LY6K: variants seen among roughly 807,000 people sequenced by gnomAD.
LY6K encodes the protein lymphocyte antigen 6K.
Under a neutral mutation model 10.4 loss-of-function variants are expected in LY6K, and 9 were observed. The ratio of observed to expected loss-of-function variants is 0.87; its 90% CI spans 0.52 to 1.52. The LOEUF is 1.52. Ranked by LOEUF, LY6K falls within the 40% of genes most tolerant of loss-of-function variation. The pLI is 0.00. For missense variants in LY6K, 217 were observed against 211.7 expected (o/e 1.02, Z -0.15); for synonymous variants, 98 against 83.7 (o/e 1.17, Z -0.94).
intron 2 of LY6K, chr8:142,702,383 C>A: frequency 2.1e-6 from 2 of 964,412 alleles, no homozygotes; most frequent in South Asian, 1.5e-5. Context: ...AAGGAGGGTG[C>A]ATGCCTTAAA....
In LY6K at chr8:142,700,541, C is replaced by G. The variant is rs1814965149; in HGVS notation, c.14C>G (p.Ala5Gly). 2.5e-6 allele frequency: 4 copies of G among 1,583,380 alleles called. No homozygotes were observed. In the African/African-American group the frequency reaches 5.5e-5, roughly 22 times the overall value. Residue 5 changes from alanine (A) to glycine (G), a missense_variant, in exon 1 of 3, where the codon GCC becomes GGC. By Grantham distance (60) the Ala-to-Gly change is moderately conservative. Transcript: ENST00000292430. ...CCGCTGGGGACGATGGCGCTGCTCGCCTTGCTGCTGGTCGTGGCCCTACCG... is the reference window on the plus strand; with the variant it reads ...CCGCTGGGGACGATGGCGCTGCTCGGCTTGCTGCTGGTCGTGGCCCTACCG... Reference protein sequence around the residue: MALLALLLVVALPRV... With the variant: MALLGLLLVVALPRV...
chr8:142,702,740 T>TG, intron 2 of LY6K: 2 of 1,487,536 alleles, frequency 1.3e-6, no homozygotes, highest in Non-Finnish European at 1.8e-6. Context: ...CTCCACACCC[T>TG]GGGTGATGGC....
intron 1 of LY6K, among the ~76,000 whole-genome samples, chr8:142,701,161 G>C (rs1227292579): frequency 6.6e-6 from 1 of 152,256 alleles, no homozygotes; most frequent in Non-Finnish European, 1.5e-5. Flanking sequence ...TGGGGTCAGG[G>C]TGCTGCGGCC....
At chr8:142,702,626 AACTTAAT>A (rs1815084180) in intron 2 of LY6K, 1 of 1,533,406 alleles carries the variant, frequency 6.5e-7, no homozygotes, top group Non-Finnish European at 8.7e-7. Context: ...TCGACTTTAT[AACTTAAT>A]ATGGCAAAAT....
intron 1 of LY6K, 92 bp from the exon 2 acceptor site, chr8:142,701,508 G>A (rs1815031522): frequency 2.5e-6 from 2 of 812,298 alleles, no homozygotes; most frequent in African/African-American, 1.7e-5. Context: ...ATGGGGACCC[G>A]CCGAGTTTGT....
intron 2 of LY6K, chr8:142,702,739 C>G (rs1815089404): frequency 6.7e-7 from 1 of 1,488,286 alleles, no homozygotes; most frequent in Non-Finnish European, 9.0e-7. Context: ...GCTCCACACC[C>G]TGGGTGATGG....
Position 142,700,370 on chromosome 8 carries a change from C to G in LY6K, c.-158C>G. 1 of 1,335,032 alleles carries G rather than the reference C, an allele frequency of 7.5e-7. No individual in the cohort carries two copies. Among genetic ancestry groups the G allele is most frequent in the Non-Finnish European group, 9.6e-7 (1 of 1,046,834 alleles). 82.7% of individuals were successfully genotyped at this position (1,335,032 alleles called of 1,614,324 possible). A position where few individuals can be genotyped will look rare whatever the true frequency, so the allele number is the denominator to read the frequency against. ...GGCCCTGAGATGAGGCTCCAAAGAC[C>G]CCGACAGGCCCCGGCGGGTGGGAGG... On this transcript the variant is annotated 5_prime_UTR_variant, in exon 1 of 3. Transcript: ENST00000292430.
intron 1 of LY6K, among the ~76,000 whole-genome samples, chr8:142,700,835 C>T (rs1554640007): frequency 1.3e-5 from 2 of 152,120 alleles, no homozygotes; most frequent in African/African-American, 4.8e-5. Context: ...CCTTCCCCAG[C>T]CCTTGCCCCG....
At chr8:142,701,113 G>A (rs974666942) in intron 1 of LY6K, among the ~76,000 whole-genome samples, 5 of 152,220 alleles carry the variant, frequency 3.3e-5, no homozygotes, top group Admixed American at 2.0e-4. Context: ...GCCGTCGGCC[G>A]GGAGATGCCA....
At chr8:142,701,839 T>G in intron 2 of LY6K, 126 bp downstream of exon 2, 1 of 649,174 alleles carries the variant, frequency 1.5e-6, no homozygotes. Context: ...TTTTTTTATT[T>G]TCTGAGACGG....
In LY6K at chr8:142,703,566, C is replaced by T. The variant is rs1249273855; in HGVS notation, c.*195C>T. On this transcript the variant is annotated 3_prime_UTR_variant, in exon 3 of 3. Transcript: ENST00000292430. Reference sequence around the variant, plus strand: ...TCTTTAACTCACATTCAGAGGAAGTCCAGATCTCCTGAGTAGTGATTTTGG... The same window carrying T: ...TCTTTAACTCACATTCAGAGGAAGTTCAGATCTCCTGAGTAGTGATTTTGG... The T allele has an allele frequency of 4.9e-6, 3 of 609,538 alleles. No homozygotes were observed. The highest frequency in any genetic ancestry group is 8.4e-6 in the Non-Finnish European group (3 of 357,846). The allele number at this position is 609,538 out of a possible 1,614,324, so 37.8% of individuals were successfully genotyped here.
At chr8:142,702,928 A>C in intron 2 of LY6K, 163 bp from the exon 3 acceptor site, 1 of 1,550,436 alleles carries the variant, frequency 6.4e-7, no homozygotes, top group South Asian at 1.2e-5. Flanking sequence ...CATTCAACAC[A>C]CAGGCCTGGC....
rs1319312399 is a variant in LY6K, at chr8:142,704,306, A to G, written c.*935A>G. The G allele has an allele frequency of 6.6e-6, 1 of 152,212 alleles. No homozygotes were observed. The highest frequency in any genetic ancestry group is 6.5e-5 in the Admixed American group (1 of 15,282). 9.4% of individuals were successfully genotyped at this position (152,212 alleles called of 1,614,324 possible). A position where few individuals can be genotyped will look rare whatever the true frequency, so the allele number is the denominator to read the frequency against. ...AATTGGGCACCCTGGGAATTTAACCATGCCACTTCAGTCTTTGTGACGTTA... is the reference window on the plus strand; with the variant it reads ...AATTGGGCACCCTGGGAATTTAACCGTGCCACTTCAGTCTTTGTGACGTTA... On this transcript the variant is annotated 3_prime_UTR_variant, in exon 3 of 3. Transcript: ENST00000292430.
chr8:142,702,151 CAG>C (rs781804000), intron 2 of LY6K: 1 of 329,952 alleles, frequency 3.0e-6, no homozygotes, highest in Non-Finnish European at 5.6e-6. Flanking sequence ...CCTCAGAGGC[CAG>C]AGAGAGGTGT....
rs1815127180 is a variant in LY6K at position 142,703,506 on chromosome 8, G to A, written c.*135G>A. The A allele has an allele frequency of 9.2e-7, 1 of 1,081,658 alleles. No individual in the cohort carries two copies. The highest frequency in any genetic ancestry group is 1.3e-6 in the Non-Finnish European group (1 of 774,430). The allele number at this position is 1,081,658 out of a possible 1,614,324, so 67.0% of individuals were successfully genotyped here. ...CCAGGGTCTTGGGATGGGAGAGTGG[G>A]GATCAGGTGCAGTTGGCTCTTAACC... On this transcript the variant is annotated 3_prime_UTR_variant, in exon 3 of 3. Coordinates refer to ENST00000292430, the MANE Select transcript of LY6K (RefSeq NM_017527.4).
intron 2 of LY6K, chr8:142,702,094 C>T (rs952779368): frequency 3.5e-6 from 1 of 287,760 alleles, no homozygotes; most frequent in East Asian, 7.8e-5. Flanking sequence ...CAAGCGTAAG[C>T]CACCGCGCCC....
intron 1 of LY6K, among the ~76,000 whole-genome samples, 153 bp downstream of exon 1, chr8:142,700,783 C>A (rs1440265219): frequency 1.3e-5 from 2 of 152,018 alleles, no homozygotes; most frequent in Admixed American, 6.5e-5. Flanking sequence ...AGCCTCGCCT[C>A]GTGCGGCTTC....
chr8:142,700,414 C>A lies in LY6K; in HGVS notation c.-114C>A. ...TGGGAGGCGCGCGCCCCGGGGCGGG[C>A]GGGGCTCCCCCTACCGGCCAGACCC... is the stretch of plus-strand genomic sequence containing the variant. On this transcript the variant is annotated 5_prime_UTR_variant, in exon 1 of 3. Coordinates refer to ENST00000292430, the MANE Select transcript of LY6K (RefSeq NM_017527.4). The A allele has an allele frequency of 7.4e-7, 1 of 1,358,260 alleles. No homozygotes were observed. Among genetic ancestry groups the A allele is most frequent in the Non-Finnish European group, 9.5e-7 (1 of 1,057,376 alleles). 84.1% of individuals were successfully genotyped at this position (1,358,260 alleles called of 1,614,324 possible).
In LY6K at chr8:142,703,183, C is replaced by T. The variant is rs782556179; in HGVS notation, c.310C>T (p.Leu104=). ...CAAGCCAGAGGAGAAGCGGTTTCTC[C>T]TGGAAGAGCCCATGCCCTTCTTTTA... ...RPKPEEKRFL[L]EEPMPFFYLK... Residue 104 remains leucine, a synonymous_variant, in exon 3 of 3, where the codon CTG becomes TTG. Coordinates refer to ENST00000292430, the MANE Select transcript of LY6K (RefSeq NM_017527.4). The T allele has an allele frequency of 6.2e-7, 1 of 1,614,222 alleles. No homozygotes were observed. Among genetic ancestry groups the T allele is most frequent in the South Asian group, 1.1e-5 (1 of 91,084 alleles).
Sources: gnomAD v4.1 joint callset for allele counts (sites outside exome capture counted in the v4.1 genomes callset) on GRCh38, gnomAD v4.1.1 for gene constraint, MANE v1.5 for transcripts, NCBI Gene and HGNC (gene_info 2026-07-23, HGNC 2026-07-21) for gene names.